USH2A: variants seen among roughly 807,000 people sequenced by gnomAD.
USH2A encodes the protein Usher syndrome 2A (autosomal recessive, mild).
Under a neutral mutation model 538.9 loss-of-function variants are expected in USH2A, and 443 were observed. That is an observed-to-expected ratio of 0.82 (90% CI 0.76 to 0.89). The LOEUF (loss-of-function observed/expected upper bound fraction) is 0.89. Among genes scored for constraint, USH2A ranks in the 40% least tolerant of loss-of-function variants. The pLI is 0.00. For synonymous variants in USH2A, 2,413 were observed against 2,273.5 expected (o/e 1.06, Z -1.75); for missense variants, 6,633 against 6,324.8 (o/e 1.05, Z -1.65).
rs529374985 is a variant in USH2A, at chr1:216,314,823, T to A, written c.1644+7060A>T. 3.3e-5 allele frequency among the ~76,000 whole-genome samples: 5 copies of A among 152,280 alleles called. No individual in the cohort carries two copies. The East Asian group carries it at 9.7e-4, about 29-fold the overall frequency. Reference sequence around the variant, plus strand: ...TAAGTTAGAGCCAAAGAATAAGAAGTGTTCATGGTTACTAATAAATTGCTC... The same window carrying A: ...TAAGTTAGAGCCAAAGAATAAGAAGAGTTCATGGTTACTAATAAATTGCTC... On this transcript the variant is annotated intron_variant, in intron 9 of 71. Transcript: ENST00000307340.
At chr1:216,420,037 G>T (rs2039648396) in intron 2 of USH2A, among the ~76,000 whole-genome samples, 1 of 152,112 alleles carries the variant, frequency 6.6e-6, no homozygotes, top group African/African-American at 2.4e-5. Context: ...TATATAAGTA[G>T]AAATAAAAGT....
At chr1:216,315,174 C>T (rs1261119411) in intron 9 of USH2A, among the ~76,000 whole-genome samples, 1 of 152,074 alleles carries the variant, frequency 6.6e-6, no homozygotes, top group Non-Finnish European at 1.5e-5. Flanking sequence ...CCCAGGCTTC[C>T]AATTCCTAGC....
At position 216,147,781 on chromosome 1, in the gene USH2A, C is replaced by T. The variant is rs2033741312; in HGVS notation, c.4627+27471G>A. Among the ~76,000 whole-genome samples, 4 of 151,330 alleles carry T rather than the reference C, an allele frequency of 2.6e-5. No individual in the cohort carries two copies. The South Asian group carries it at 8.4e-4, about 32-fold the overall frequency. On this transcript the variant is annotated intron_variant, in intron 21 of 71. Coordinates refer to ENST00000307340, the MANE Select transcript of USH2A (RefSeq NM_206933.4). ...TTCCAAACGCCTGAACCGCAGCGGC[C>T]AGGCATTCCTCCAGAACCTCCTCCC...
intron 50 of USH2A, among the ~76,000 whole-genome samples, chr1:215,793,447 A>C (rs978711676): frequency 6.6e-6 from 1 of 152,156 alleles, no homozygotes; most frequent in African/African-American, 2.4e-5. Flanking sequence ...AAAGAAAAGA[A>C]ATTCACACTT....
At chr1:216,233,244 C>G (rs893676034) in intron 13 of USH2A, among the ~76,000 whole-genome samples, 1 of 152,072 alleles carries the variant, frequency 6.6e-6, no homozygotes, top group Admixed American at 6.5e-5. Context: ...CATATTTGTT[C>G]CTCTTCTTGA....
chr1:215,845,681 G>A, intron 45 of USH2A, 143 bp downstream of exon 45: 4 of 785,798 alleles, frequency 5.1e-6, no homozygotes, highest in Non-Finnish European at 6.5e-6. Flanking sequence ...ATGACAGTGA[G>A]CACTTAAGCA....
intron 60 of USH2A, among the ~76,000 whole-genome samples, chr1:215,731,893 T>TCCTGGCTC (rs1660004396): frequency 6.6e-6 from 1 of 152,158 alleles, no homozygotes; most frequent in Non-Finnish European, 1.5e-5. Flanking sequence ...AGGTTGGAGG[T>TCCTGGCTC]CCTGGCTCTG....
At chr1:215,901,143 T>C (rs1665488419) in intron 38 of USH2A, 1 of 543,176 alleles carries the variant, frequency 1.8e-6, no homozygotes, top group African/African-American at 1.9e-5. Flanking sequence ...GCAAGACAAA[T>C]GAATATGCAG....
Position 215,674,971 on chromosome 1 carries a change from C to T in USH2A, c.12940G>A (p.Val4314Met), listed in dbSNP as rs374654481. Reference sequence around the variant, plus strand: ...TCTTCATCAGTGTAATTGAAAGTCACAGGATCAAAGCTAAAAGGATAGAGC... The same window carrying T: ...TCTTCATCAGTGTAATTGAAAGTCATAGGATCAAAGCTAAAAGGATAGAGC... Reference protein sequence around the residue: ...EMLYPFSFDPVTFNYTDEELL... With the variant: ...EMLYPFSFDPMTFNYTDEELL... The change falls in exon 63 of 72, where the codon GTG becomes ATG. Residue 4314 changes from valine to methionine, a missense_variant. Val to Met is a conservative substitution (Grantham distance 21). Transcript: ENST00000307340. 6.2e-6 allele frequency: 10 copies of T among 1,614,054 alleles called. No individual in the cohort carries two copies. The African/African-American group carries it at 1.3e-4, about 22-fold the overall frequency.
chr1:216,175,560 T>TACAAATAC, intron 20 of USH2A, 78 bp from the exon 21 acceptor site: 1 of 1,271,912 alleles, frequency 7.9e-7, no homozygotes, highest in Non-Finnish European at 1.1e-6. Flanking sequence ...TATACGTATA[T>TACAAATAC]ATGTATTTGT....
intron 38 of USH2A, among the ~76,000 whole-genome samples, chr1:215,913,815 C>T (rs1665875826): frequency 6.6e-6 from 1 of 151,794 alleles, no homozygotes; most frequent in Non-Finnish European, 1.5e-5. Context: ...TACTTGATTC[C>T]ATTACACTCA....
chr1:216,197,217 A>T (rs999164270), intron 18 of USH2A, among the ~76,000 whole-genome samples: 2 of 152,110 alleles, frequency 1.3e-5, no homozygotes, highest in Non-Finnish European at 2.9e-5. Flanking sequence ...GAATGTCTCA[A>T]AGTTTTTGTT....
intron 61 of USH2A, among the ~76,000 whole-genome samples, chr1:215,688,976 G>A (rs1044284985): frequency 6.6e-6 from 1 of 151,940 alleles, no homozygotes. Flanking sequence ...AGAATTAAGG[G>A]GATAGATTTA....
chr1:216,016,679 A>G (rs1164123522), intron 32 of USH2A, among the ~76,000 whole-genome samples: 1 of 152,190 alleles, frequency 6.6e-6, no homozygotes, highest in East Asian at 1.9e-4. Context: ...ACAAGGATGT[A>G]TCTTATGACC....
chr1:216,072,024 G>T (rs1348686646), intron 29 of USH2A, among the ~76,000 whole-genome samples: 1 of 152,126 alleles, frequency 6.6e-6, no homozygotes, highest in East Asian at 1.9e-4. Flanking sequence ...ATTCCTCAAA[G>T]GATGCCTGGG....
chr1:216,025,913 T>C (rs1364450023), intron 32 of USH2A, among the ~76,000 whole-genome samples: 1 of 152,042 alleles, frequency 6.6e-6, no homozygotes, highest in Non-Finnish European at 1.5e-5. Flanking sequence ...AAATAGATAT[T>C]CAAAAATTTC....
chr1:215,999,131 C>A, intron 33 of USH2A, 73 bp from the exon 34 acceptor site: 3 of 1,282,898 alleles, frequency 2.3e-6, no homozygotes, highest in Non-Finnish European at 3.3e-6. Context: ...TCAAAGGACA[C>A]ATTTGAACTT....
At chr1:216,329,464 T>C (rs1340686814) in intron 4 of USH2A, among the ~76,000 whole-genome samples, 4 of 152,086 alleles carry the variant, frequency 2.6e-5, no homozygotes, top group African/African-American at 7.2e-5. Flanking sequence ...GAAAGACGAA[T>C]AGGAAAGTCA....
chr1:215,837,258 G>GTC (rs1295558399), intron 47 of USH2A, among the ~76,000 whole-genome samples: 1 of 151,830 alleles, frequency 6.6e-6, no homozygotes, highest in African/African-American at 2.4e-5. Context: ...GTGTGTATGT[G>GTC]TCTGTGTGTG....
Sources: allele counts gnomAD v4.1 joint callset (sites outside exome capture counted in the v4.1 genomes callset), GRCh38; gene constraint gnomAD v4.1.1; transcripts MANE v1.5; gene names NCBI Gene and HGNC (gene_info 2026-07-23, HGNC 2026-07-21).